LMBR1: variants seen among roughly 807,000 people sequenced by gnomAD.
The protein encoded by LMBR1 is limb development membrane protein 1, also known as limb region 1 protein homolog.
Under a neutral mutation model 73.9 loss-of-function variants are expected in LMBR1, and 52 were observed. The observed-to-expected ratio is 0.70, with a 90% CI of 0.56 to 0.89. The LOEUF (loss-of-function observed/expected upper bound fraction) is 0.89, where lower values mean the gene tolerates loss of function less well. Ranked by LOEUF, LMBR1 falls within the 40% of genes least tolerant of loss-of-function variation. The pLI is 0.00. For synonymous variants in LMBR1, 215 were observed against 209.4 expected (o/e 1.03, Z -0.23); for missense variants, 539 against 579.8 (o/e 0.93, Z 0.72).
downstream of LMBR1, chr7:156,676,304 TC>T: frequency 2.5e-6 from 4 of 1,606,288 alleles, no homozygotes; most frequent in South Asian, 3.3e-5. Flanking sequence ...GAATGAAACT[TC>T]CGCATGTTTC....
At chr7:156,820,961 GA>G (rs1404007211) in intron 4 of LMBR1, among the ~76,000 whole-genome samples, 4 of 152,290 alleles carry the variant, frequency 2.6e-5, no homozygotes, top group African/African-American at 9.6e-5. Context: ...AGGCCCTTAG[GA>G]TGTTGGGGCA....
At chr7:156,739,859 G>C (rs920500181) in intron 9 of LMBR1, among the ~76,000 whole-genome samples, 2 of 152,014 alleles carry the variant, frequency 1.3e-5, no homozygotes, top group Admixed American at 6.6e-5. Flanking sequence ...ATCCACAAGC[G>C]TCAAGACCAT....
chr7:156,733,678 T>C (rs1817299532), intron 10 of LMBR1, among the ~76,000 whole-genome samples: 1 of 151,262 alleles, frequency 6.6e-6, no homozygotes, highest in Non-Finnish European at 1.5e-5. Context: ...GTAACTGGAG[T>C]CCCTGAAAAG....
intron 5 of LMBR1, among the ~76,000 whole-genome samples, chr7:156,778,018 T>C (rs1585728042): frequency 1.3e-5 from 2 of 152,198 alleles, no homozygotes; most frequent in South Asian, 2.1e-4. Flanking sequence ...ACTGCCACCA[T>C]ACCCATCCAA....
chr7:156,718,206 C>A (rs1424434050), intron 15 of LMBR1, among the ~76,000 whole-genome samples: 1 of 151,902 alleles, frequency 6.6e-6, no homozygotes, highest in Admixed American at 6.6e-5. Flanking sequence ...TTCAGACCAG[C>A]CTGGGCAATA....
At chr7:156,849,228 T>A (rs1795923733) in intron 1 of LMBR1, among the ~76,000 whole-genome samples, 1 of 152,142 alleles carries the variant, frequency 6.6e-6, no homozygotes, top group Non-Finnish European at 1.5e-5. Flanking sequence ...GAGCTGGAGC[T>A]AGAGACCATT....
downstream of LMBR1, among the ~76,000 whole-genome samples, chr7:156,673,972 A>AC (rs1441027193): frequency 2.6e-5 from 4 of 152,046 alleles, no homozygotes; most frequent in Non-Finnish European, 4.4e-5. Context: ...TGAAACCTGG[A>AC]CAGTCATGGA....
At chr7:156,874,471 G>A (rs1200556365) in intron 1 of LMBR1, among the ~76,000 whole-genome samples, 3 of 152,358 alleles carry the variant, frequency 2.0e-5, no homozygotes, top group African/African-American at 7.2e-5. Flanking sequence ...GGGGGCCGAA[G>A]GGCTCCTCAA....
Position 156,684,137 on chromosome 7 carries a change from T to C in LMBR1, c.1414A>G (p.Thr472Ala). ...TTGGCTGTTTCTGAATCCCTTGAAGTATTTGGTAAGTGAAGTTTATGAAGC... is the reference window on the plus strand; with the variant it reads ...TTGGCTGTTTCTGAATCCCTTGAAGCATTTGGTAAGTGAAGTTTATGAAGC... ...LGLHKLHLPNTSRDSETAKPS... is the reference protein window; with the variant it reads ...LGLHKLHLPNASRDSETAKPS... Residue 472 changes from threonine (T) to alanine (A), a missense_variant, in exon 17 of 17, where the codon ACT becomes GCT. Thr to Ala is a moderately conservative substitution (Grantham distance 58, BLOSUM62 0). Around this residue, in one of 3 missense-constraint regions of LMBR1, gnomAD observed 69 missense variants for 68.5 expected, o/e 1.01. Coordinates refer to ENST00000353442, the MANE Select transcript of LMBR1 (RefSeq NM_022458.4). The C allele has an allele frequency of 1.2e-6, 2 of 1,613,934 alleles. No individual in the cohort carries two copies. Among genetic ancestry groups the C allele is most frequent in the Non-Finnish European group, 8.5e-7 (1 of 1,179,942 alleles).
At chr7:156,704,094 A>C (rs956317532) in intron 15 of LMBR1, among the ~76,000 whole-genome samples, 2 of 152,190 alleles carry the variant, frequency 1.3e-5, no homozygotes, top group Non-Finnish European at 2.9e-5. Context: ...CCCATTCAGC[A>C]TACACAACTA....
At chr7:156,723,579 C>T (rs576705807) in intron 15 of LMBR1, among the ~76,000 whole-genome samples, 61 of 152,024 alleles carry the variant, frequency 4.0e-4, no homozygotes, top group Non-Finnish European at 7.1e-4. Context: ...TCAAATTCTC[C>T]GTAAACTGAA....
chr7:156,860,948 G>A (rs1324503681), intron 1 of LMBR1, among the ~76,000 whole-genome samples: 5 of 152,242 alleles, frequency 3.3e-5, no homozygotes, highest in African/African-American at 4.8e-5. Flanking sequence ...AGCTAGCATT[G>A]AGTGTCTGCA....
chr7:156,825,185 C>T (rs1168556727), intron 4 of LMBR1, among the ~76,000 whole-genome samples: 2 of 152,106 alleles, frequency 1.3e-5, no homozygotes, highest in East Asian at 3.9e-4. Context: ...ACCATTAACT[C>T]ATAAGGTTCT....
At position 156,681,717 on chromosome 7, in the gene LMBR1, A is replaced by G. The variant is rs1276678777; in HGVS notation, c.*2361T>C. The G allele has an allele frequency of 1.3e-5, 2 of 152,324 alleles. No homozygotes were observed. The highest frequency in any genetic ancestry group is 4.8e-5 in the African/African-American group (2 of 41,468). 9.4% of individuals were successfully genotyped at this position (152,324 alleles called of 1,614,324 possible). A position where few individuals can be genotyped will look rare whatever the true frequency, so the allele number is the denominator to read the frequency against. On this transcript the variant is annotated 3_prime_UTR_variant, in exon 17 of 17. Coordinates refer to ENST00000353442, the MANE Select transcript of LMBR1 (RefSeq NM_022458.4). ...TCAGAAACAAAACTGTAGCTCCAGA[A>G]TTGACCTGATGATGAGCATCTGCAG...
intron 5 of LMBR1, among the ~76,000 whole-genome samples, chr7:156,778,562 A>G (rs1296994366): frequency 6.6e-6 from 1 of 152,188 alleles, no homozygotes; most frequent in African/African-American, 2.4e-5. Context: ...AAGGTGGCAA[A>G]TTTTTTACCT....
At chr7:156,736,085 C>G (rs931927763) in intron 9 of LMBR1, among the ~76,000 whole-genome samples, 1 of 152,112 alleles carries the variant, frequency 6.6e-6, no homozygotes, top group African/African-American at 2.4e-5. Context: ...GTCTGTATGT[C>G]ACTATGAGGA....
In LMBR1 at chr7:156,877,757, C is replaced by A. The variant is rs369981515; in HGVS notation, c.66+15171G>T. Among the ~76,000 whole-genome samples the A allele has an allele frequency of 8.6e-5, 13 of 152,042 alleles. No individual in the cohort carries two copies. The East Asian group carries it at 2.1e-3, about 25-fold the overall frequency. ...AATTAGCTGGGCGCGGTGGCAGGCGCCTGTAGTCCCAGCTACTCGGGAGGC... is the reference window on the plus strand; with the variant it reads ...AATTAGCTGGGCGCGGTGGCAGGCGACTGTAGTCCCAGCTACTCGGGAGGC... On this transcript the variant is annotated intron_variant, in intron 1 of 16. Transcript: ENST00000353442.
chr7:156,732,149 G>C (rs918147194), intron 10 of LMBR1, among the ~76,000 whole-genome samples: 1 of 151,960 alleles, frequency 6.6e-6, no homozygotes, highest in Non-Finnish European at 1.5e-5. Flanking sequence ...CAACAACAGG[G>C]ACCAGGTGTG....
chr7:156,840,978 A>G (rs933851172), intron 1 of LMBR1, among the ~76,000 whole-genome samples: 1 of 150,838 alleles, frequency 6.6e-6, no homozygotes, highest in Non-Finnish European at 1.5e-5. Flanking sequence ...AAAAAAAAAA[A>G]AAAAAAGAAA....
Sources: gnomAD v4.1 joint callset for allele counts (sites outside exome capture counted in the v4.1 genomes callset) on GRCh38, gnomAD v4.1.1 for gene constraint, gnomAD v4.1.1 regional missense constraint, MANE v1.5 for transcripts, NCBI Gene and HGNC (gene_info 2026-07-23, HGNC 2026-07-21) for gene names.